NUGGC: variants seen among roughly 807,000 people sequenced by gnomAD.
NUGGC encodes the protein nuclear GTPase, germinal center associated, also known as nuclear GTPase SLIP-GC.
In NUGGC, 58 loss-of-function variants were observed where a neutral mutation model predicts 92.6. The observed-to-expected ratio is 0.63, with a 90% CI of 0.51 to 0.78. The LOEUF (loss-of-function observed/expected upper bound fraction) is 0.78, where lower values mean the gene tolerates loss of function less well. Ranked by LOEUF, NUGGC falls within the 30% of genes least tolerant of loss-of-function variation. NUGGC has a pLI of 0.00. For synonymous variants in NUGGC, 376 were observed against 366.4 expected, an observed-to-expected ratio of 1.03 and a Z score of -0.30; for missense variants, 925 against 964.6, an observed-to-expected ratio of 0.96 and a Z score of 0.54.
intron 9 of NUGGC, among the ~76,000 whole-genome samples, chr8:28,056,339 G>A (rs1391776497): frequency 5.9e-5 from 9 of 152,014 alleles, no homozygotes; most frequent in African/African-American, 7.2e-5. Flanking sequence ...TTAGCTAGGC[G>A]TGGCGGCACG....
At chr8:28,058,370 T>C in intron 8 of NUGGC, 94 bp from the exon 9 acceptor site, 1 of 251,842 alleles carries the variant, frequency 4.0e-6, no homozygotes, top group Non-Finnish European at 8.1e-6. Flanking sequence ...ACACACTCCC[T>C]GTGTCTGTGC....
chr8:28,081,901 G>T (rs972251017), intron 1 of NUGGC, among the ~76,000 whole-genome samples: 1 of 151,412 alleles, frequency 6.6e-6, no homozygotes, highest in African/African-American at 2.4e-5. Flanking sequence ...ACAATCTTTG[G>T]TCAAGTTTTT....
At chr8:28,043,985 T>A (rs559708071) in intron 12 of NUGGC, among the ~76,000 whole-genome samples, 2 of 152,262 alleles carry the variant, frequency 1.3e-5, no homozygotes, top group African/African-American at 4.8e-5. Context: ...TTAAAAAAGA[T>A]TGAATTTTGC....
At chr8:28,080,334 T>C (rs1388079836) in intron 1 of NUGGC, among the ~76,000 whole-genome samples, 2 of 152,218 alleles carry the variant, frequency 1.3e-5, no homozygotes, top group Non-Finnish European at 2.9e-5. Context: ...CACTGCATTT[T>C]TTCTGTGTTC....
At chr8:28,054,339 G>T (rs923116956) in intron 10 of NUGGC, among the ~76,000 whole-genome samples, 1 of 151,958 alleles carries the variant, frequency 6.6e-6, no homozygotes, top group African/African-American at 2.4e-5. Flanking sequence ...AAAATTAGCT[G>T]GGCATAGTGG....
chr8:28,047,623 A>T lies in NUGGC; in HGVS notation c.1207-11T>A. 1 of 1,490,924 alleles carries T rather than the reference A, an allele frequency of 6.7e-7. No homozygotes were observed. 92.4% of individuals were successfully genotyped at this position (1,490,924 alleles called of 1,614,324 possible). A position where few individuals can be genotyped will look rare whatever the true frequency, so the allele number is the denominator to read the frequency against. On this transcript the variant is annotated splice_polypyrimidine_tract_variant and intron_variant, in intron 10 of 18. Coordinates refer to ENST00000413272, the MANE Select transcript of NUGGC (RefSeq NM_001010906.2). Reference sequence around the variant, plus strand: ...AGCTGGCAGTTTTCTCTGAAGTGAGAGAGTCACACAGAAAACAGAATAACT... The same window carrying T: ...AGCTGGCAGTTTTCTCTGAAGTGAGTGAGTCACACAGAAAACAGAATAACT...
chr8:28,029,364 T>C lies in NUGGC; in HGVS notation c.2056A>G (p.Met686Val). The C allele has an allele frequency of 6.2e-7, 1 of 1,612,552 alleles. No individual in the cohort carries two copies. The highest frequency in any genetic ancestry group is 8.5e-7 in the Non-Finnish European group (1 of 1,179,316). Residue 686 changes from methionine to valine, a missense_variant, in exon 17 of 19, where the codon ATG becomes GTG. Physicochemically the swap from Met to Val is conservative, Grantham distance 21 (BLOSUM62 1). Coordinates refer to ENST00000413272, the MANE Select transcript of NUGGC (RefSeq NM_001010906.2). ...ACTCCTCTTCTGATGGCATCTTTCA[T>C]CCGCTCACACGCTTTTTTGCCCGTG... ...QITGKKACER[M>V]KDAIRRGVDR...
At chr8:28,033,057 G>A (rs1809463423) in intron 14 of NUGGC, among the ~76,000 whole-genome samples, 2 of 152,182 alleles carry the variant, frequency 1.3e-5, no homozygotes, top group Admixed American at 6.5e-5. Flanking sequence ...CTACTTGGGA[G>A]GCTGAGATGG....
intron 13 of NUGGC, among the ~76,000 whole-genome samples, chr8:28,040,368 A>G (rs1289303189): frequency 6.6e-6 from 1 of 152,254 alleles, no homozygotes; most frequent in Admixed American, 6.5e-5. Flanking sequence ...TGATATCAAC[A>G]CTACCAGATA....
intron 13 of NUGGC, 23 bp from the exon 14 acceptor site, chr8:28,033,720 G>A: frequency 6.2e-7 from 1 of 1,609,128 alleles, no homozygotes; most frequent in Non-Finnish European, 8.5e-7. Context: ...CAATAAATTA[G>A]CAGAGTTAGG....
At chr8:28,058,867 C>A in intron 8 of NUGGC, among the ~76,000 whole-genome samples, 1 of 151,892 alleles carries the variant, frequency 6.6e-6, no homozygotes, top group East Asian at 1.9e-4. Flanking sequence ...CACGCCCGGC[C>A]AATTTATTTT....
intron 8 of NUGGC, 34 bp downstream of exon 8, chr8:28,060,392 T>C: frequency 1.9e-6 from 3 of 1,608,224 alleles, no homozygotes; most frequent in Non-Finnish European, 2.6e-6. Flanking sequence ...AGCCCCTGAC[T>C]GGAGCCCACA....
At position 28,023,333 on chromosome 8, in the gene NUGGC, G is replaced by C. The variant is rs750907742; in HGVS notation, c.2375C>G (p.Pro792Arg). 1 of 1,613,462 alleles carries C rather than the reference G, an allele frequency of 6.2e-7. No homozygotes were observed. ...CCCCAGGAGTTACAGTGATGTCCCG[G>C]GGGGGCCAGCCTTGCTGGGGGATGC... ...LRASPSKAGP[P>R]GTSL Residue 792 changes from proline to arginine, a missense_variant, in exon 19 of 19, where the codon CCC becomes CGC. Pro to Arg is a moderately radical substitution (Grantham distance 103, BLOSUM62 -2). Transcript: ENST00000413272.
Position 28,041,054 on chromosome 8 carries a change from C to T in NUGGC, c.1608G>A (p.Leu536=), listed in dbSNP as rs1051288665. ...TSYRCILRAC[L]VRSKGNQGFH... ...TTTCCCTGGAAGGGTCACTCACCAC[C>T]AAGCATGCTCTGAGGATGCAGCGGT... The change falls in exon 13 of 19, where the codon TTG becomes TTA. Residue 536 remains leucine, a synonymous_variant. Transcript: ENST00000413272. 1.2e-6 allele frequency: 2 copies of T among 1,600,746 alleles called. No homozygotes were observed. The highest frequency in any genetic ancestry group is 1.7e-6 in the Non-Finnish European group (2 of 1,173,728).
chr8:28,075,074 C>T (rs1810687002), intron 1 of NUGGC, among the ~76,000 whole-genome samples: 1 of 152,198 alleles, frequency 6.6e-6, no homozygotes, highest in African/African-American at 2.4e-5. Flanking sequence ...GGCATCAGTG[C>T]TCCACTGGGG....
intron 1 of NUGGC, among the ~76,000 whole-genome samples, chr8:28,081,923 C>A (rs1810860906): frequency 6.6e-6 from 1 of 150,934 alleles, no homozygotes; most frequent in Non-Finnish European, 1.5e-5. Context: ...CTTGCTCTCA[C>A]AAGAAGGTGA....
At chr8:28,034,534 G>C (rs1809506685) in intron 13 of NUGGC, among the ~76,000 whole-genome samples, 1 of 152,130 alleles carries the variant, frequency 6.6e-6, no homozygotes, top group East Asian at 1.9e-4. Context: ...ATATGTTCCA[G>C]GCCAGATGCA....
intron 18 of NUGGC, among the ~76,000 whole-genome samples, chr8:28,025,097 G>T (rs1809223523): frequency 6.6e-6 from 1 of 152,188 alleles, no homozygotes; most frequent in African/African-American, 2.4e-5. Context: ...CTCCATGAAG[G>T]TGGGGACTCT....
chr8:28,039,759 G>A (rs73570984), intron 13 of NUGGC, among the ~76,000 whole-genome samples: 5,982 of 152,164 alleles, frequency 0.039, 395 homozygotes, highest in African/African-American at 0.14. Context: ...CTCCCAGCAC[G>A]GGGGGACACC....
Sources: allele counts gnomAD v4.1 joint callset (sites outside exome capture counted in the v4.1 genomes callset), GRCh38; gene constraint gnomAD v4.1.1; transcripts MANE v1.5; gene names NCBI Gene and HGNC (gene_info 2026-07-23, HGNC 2026-07-21).